The following PRH1 variants were observed in gnomAD, a reference collection of about 807,000 sequenced individuals.
The protein encoded by PRH1 is proline rich protein HaeIII subfamily 1.
A neutral mutation model predicts 7.9 loss-of-function variants in PRH1; 7 were observed. The observed-to-expected ratio is 0.89, with a 90% confidence interval of 0.50 to 1.67. PRH1 has a LOEUF of 1.67. Ranked by LOEUF, PRH1 falls within the 40% of genes most tolerant of loss-of-function variation. The pLI is 0.00. For synonymous variants in PRH1, 45 were observed against 80.8 expected (o/e 0.56, Z 2.38); for missense variants, 109 against 223.6 (o/e 0.49, Z 3.27).
At chr12:11,020,239 T>C (rs1199139507) in intron 1 of PRH1, among the ~76,000 whole-genome samples, 1 of 151,920 alleles carries the variant, frequency 6.6e-6, no homozygotes, top group African/African-American at 2.4e-5. Flanking sequence ...TTCATTAACA[T>C]ATCATTTTTG....
At chr12:11,030,760 C>T in intron 1 of PRH1, 1 of 1,614,158 alleles carries the variant, frequency 6.2e-7, no homozygotes, top group South Asian at 1.1e-5. Context: ...AAAAACATAG[C>T]AGGGTCAGAG....
chr12:10,930,971 G>T, intron 2 of PRH1: 1 of 1,599,072 alleles, frequency 6.3e-7, no homozygotes. Context: ...CATCAGCAAG[G>T]TCCTCCCCCA....
At chr12:10,981,336 G>A (rs941983449) in intron 1 of PRH1, among the ~76,000 whole-genome samples, 6 of 149,912 alleles carry the variant, frequency 4.0e-5, no homozygotes, top group African/African-American at 1.5e-4. Context: ...AGTGGTCCAT[G>A]GGATACGGTG....
intron 1 of PRH1, among the ~76,000 whole-genome samples, chr12:10,978,652 G>A (rs1227949349): frequency 6.6e-6 from 1 of 152,098 alleles, no homozygotes; most frequent in African/African-American, 2.4e-5. Context: ...TGCAGAATGG[G>A]AGAAAATATT....
At chr12:11,008,850 C>T (rs1265496252) in intron 1 of PRH1, among the ~76,000 whole-genome samples, 1 of 151,908 alleles carries the variant, frequency 6.6e-6, no homozygotes, top group Non-Finnish European at 1.5e-5. Context: ...TATACATTTG[C>T]TACAATTCCT....
intron 1 of PRH1, among the ~76,000 whole-genome samples, chr12:11,112,543 T>C (rs542817439): frequency 6.6e-6 from 1 of 151,996 alleles, no homozygotes; most frequent in African/African-American, 2.4e-5. Flanking sequence ...ACAGAACCAA[T>C]GACAAAAACC....
At position 10,990,840 on chromosome 12, in the gene PRH1, T is replaced by C. The variant is rs1041014910; in HGVS notation, c.-125-17119A>G. 2.6e-4 allele frequency among the ~76,000 whole-genome samples: 39 copies of C among 152,242 alleles called. 2 individuals are homozygous for C. Among genetic ancestry groups the C allele is most frequent in the Non-Finnish European group, 2.4e-4 (16 of 68,030 alleles). On this transcript the variant is annotated intron_variant, in intron 1 of 3. Transcript: ENST00000539853. ...GGGTAGAACCAACAAAATTTGCTGA[T>C]GCCTTAGAGATGAGTTCTGAAAGAG...
chr12:11,041,944 A>C (rs1365865630), intron 1 of PRH1, among the ~76,000 whole-genome samples: 1 of 152,166 alleles, frequency 6.6e-6, no homozygotes. Context: ...AGTGGAAACA[A>C]AACATACCAA....
chr12:10,937,095 A>T (rs1320191087), intron 2 of PRH1, among the ~76,000 whole-genome samples: 1 of 151,902 alleles, frequency 6.6e-6, no homozygotes, highest in Non-Finnish European at 1.5e-5. Flanking sequence ...CTTTGACACA[A>T]TTTTTCATGT....
At chr12:10,908,300 T>C (rs1049662698) in intron 2 of PRH1, 1 of 1,289,522 alleles carries the variant, frequency 7.8e-7, no homozygotes, top group East Asian at 2.4e-5. Flanking sequence ...AAGCATAAAA[T>C]ATCTTTTAAA....
intron 1 of PRH1, among the ~76,000 whole-genome samples, chr12:11,060,978 TGA>T (rs2136179254): frequency 6.6e-6 from 1 of 152,368 alleles, no homozygotes; most frequent in East Asian, 1.9e-4. Flanking sequence ...ATGTCTTTCC[TGA>T]GATAAGCTGA....
intron 1 of PRH1, among the ~76,000 whole-genome samples, chr12:11,083,914 A>C (rs79840066): frequency 1.6e-5 from 1 of 61,300 alleles, no homozygotes; most frequent in Non-Finnish European, 3.8e-5. Context: ...CTTTGTAAAC[A>C]TGTTGCTCTA....
At chr12:10,939,857 T>A (rs904713524) in intron 2 of PRH1, among the ~76,000 whole-genome samples, 15 of 152,080 alleles carry the variant, frequency 9.9e-5, no homozygotes, top group African/African-American at 3.6e-4. Context: ...ATTCTCACCA[T>A]AAAAAAATAT....
chr12:10,934,247 TCAC>T (rs1274550168), intron 2 of PRH1, among the ~76,000 whole-genome samples: 1 of 152,160 alleles, frequency 6.6e-6, no homozygotes, highest in Non-Finnish European at 1.5e-5. Context: ...TGTATTCTCT[TCAC>T]CACAAGAGTT....
At chr12:10,964,663 C>A (rs1029119870) in intron 2 of PRH1, 2 of 578,456 alleles carry the variant, frequency 3.5e-6, no homozygotes, top group Non-Finnish European at 3.1e-6. Flanking sequence ...AGGAGGTCAC[C>A]GTTTGCAAAG....
rs148486001 is a variant in PRH1 at position 11,099,837 on chromosome 12, G to A, written n.124-52649C>T. Among the ~76,000 whole-genome samples, 585 of 152,282 alleles carry A rather than the reference G, an allele frequency of 3.8e-3. 1 individual carries two copies. The highest frequency in any genetic ancestry group is 0.01 in the Middle Eastern group (3 of 294). On this transcript the variant is annotated intron_variant and non_coding_transcript_variant, in intron 1 of 4. Coordinates refer to the PRH1 transcript ENST00000541977. ...GCTAAACCAAGAGTGTGGGAAATAT[G>A]TACAACTTTGTTGTGTCAGGAATTG...
chr12:10,948,797 G>A (rs963904847), intron 2 of PRH1, among the ~76,000 whole-genome samples: 2 of 152,094 alleles, frequency 1.3e-5, no homozygotes, highest in African/African-American at 4.8e-5. Flanking sequence ...TTCCTTTCTG[G>A]ATGTTTTCAC....
chr12:11,022,453 T>C, intron 1 of PRH1: 1 of 1,614,114 alleles, frequency 6.2e-7, no homozygotes, highest in Non-Finnish European at 8.5e-7. Flanking sequence ...TGAGGAGATC[T>C]TTCGTGTGTT....
At chr12:10,988,743 C>T (rs1379519972) in intron 1 of PRH1, among the ~76,000 whole-genome samples, 1 of 152,106 alleles carries the variant, frequency 6.6e-6, no homozygotes, top group Non-Finnish European at 1.5e-5. Flanking sequence ...ACTCTCCAAG[C>T]CCCTACACCT....
Sources: gnomAD v4.1 joint callset for allele counts (sites outside exome capture counted in the v4.1 genomes callset) on GRCh38, gnomAD v4.1.1 for gene constraint, MANE v1.5 for transcripts, NCBI Gene and HGNC (gene_info 2026-07-23, HGNC 2026-07-21) for gene names.